Variants in RAB3GAP1 observed in about 807,000 individuals in gnomAD.
RAB3GAP1 encodes the protein RAB3 GTPase activating protein catalytic subunit 1.
In RAB3GAP1, 86 loss-of-function variants were observed where a neutral mutation model predicts 130.7. That is an observed-to-expected ratio of 0.66 (90% CI 0.55 to 0.79). The LOEUF (loss-of-function observed/expected upper bound fraction) is 0.79, where lower values mean the gene tolerates loss of function less well. RAB3GAP1 is among the 30% of genes least tolerant of loss of function. The probability of loss-of-function intolerance (pLI) is 0.00; values close to 1 mark genes in which losing one functional copy is unlikely to be tolerated. For synonymous variants in RAB3GAP1, 367 were observed against 401.7 expected, an observed-to-expected ratio of 0.91 and a Z score of 1.03; for missense variants, 1,029 against 1,169.4, an observed-to-expected ratio of 0.88 and a Z score of 1.75.
chr2:135,079,161 G>A (rs867604422), intron 3 of RAB3GAP1, among the ~76,000 whole-genome samples: 3 of 151,994 alleles, frequency 2.0e-5, no homozygotes, highest in Admixed American at 1.3e-4. Flanking sequence ...GAGCCACTGC[G>A]CCCAGCCAGA....
intron 8 of RAB3GAP1, among the ~76,000 whole-genome samples, chr2:135,121,872 C>T (rs1010191141): frequency 2.0e-5 from 3 of 152,136 alleles, no homozygotes; most frequent in Admixed American, 6.5e-5. Context: ...GCAGGCAGAT[C>T]ACCTGAGGTC....
At chr2:135,153,943 G>A in intron 19 of RAB3GAP1, 67 bp downstream of exon 19, 1 of 1,428,890 alleles carries the variant, frequency 7.0e-7, no homozygotes, top group Non-Finnish European at 9.8e-7. Flanking sequence ...GGAACTCACT[G>A]TCATAGACGT....
chr2:135,076,964 A>G (rs1451669401), intron 3 of RAB3GAP1, among the ~76,000 whole-genome samples: 5 of 152,170 alleles, frequency 3.3e-5, no homozygotes, highest in Non-Finnish European at 7.4e-5. Flanking sequence ...ATATGTATAT[A>G]CCACATTTTA....
intron 3 of RAB3GAP1, among the ~76,000 whole-genome samples, chr2:135,074,999 C>T (rs1689588871): frequency 4.6e-5 from 7 of 152,122 alleles, no homozygotes; most frequent in Admixed American, 4.6e-4. Flanking sequence ...GGGACCCCTT[C>T]CTTGTTGCTT....
intron 3 of RAB3GAP1, among the ~76,000 whole-genome samples, chr2:135,074,646 A>G (rs943491796): frequency 2.0e-5 from 3 of 152,126 alleles, no homozygotes; most frequent in Non-Finnish European, 2.9e-5. Flanking sequence ...GCAGTCCCCA[A>G]GCACTCCCCA....
At chr2:135,072,898 T>C (rs143621133) in intron 3 of RAB3GAP1, among the ~76,000 whole-genome samples, 43 of 152,360 alleles carry the variant, frequency 2.8e-4, no homozygotes, top group African/African-American at 8.9e-4. Flanking sequence ...CTACATACTG[T>C]AGAAGTTATC....
chr2:135,148,185 A>T (rs1321030619), intron 17 of RAB3GAP1, among the ~76,000 whole-genome samples: 1 of 152,180 alleles, frequency 6.6e-6, no homozygotes, highest in African/African-American at 2.4e-5. Flanking sequence ...AATTATGATC[A>T]TTATAAGTGT....
At chr2:135,171,924 A>C (rs1318543263), downstream of RAB3GAP1, among the ~76,000 whole-genome samples, 1 of 152,216 alleles carries the variant, frequency 6.6e-6, no homozygotes, top group Non-Finnish European at 1.5e-5. Flanking sequence ...GCCAATGAAA[A>C]GCCTGAGGCA....
At position 135,103,035 on chromosome 2, in the gene RAB3GAP1, A is replaced by ATTTTTTTTTT. The variant is rs539310402; in HGVS notation, c.362+9353_362+9362dup. On this transcript the variant is annotated intron_variant, in intron 5 of 23. Coordinates refer to ENST00000264158, the MANE Select transcript of RAB3GAP1 (RefSeq NM_012233.3). ...AAAAAAAAAAAAAATCATTTTTGTGATTTTTTTTTTTTTTTTTTTTGAGAC... is the reference window on the plus strand; with the variant it reads ...AAAAAAAAAAAAAATCATTTTTGTGATTTTTTTTTTTTTTTTTTTTTTTTTTTTTTGAGAC... Among the ~76,000 whole-genome samples, 798 of 90,884 alleles carry ATTTTTTTTTT rather than the reference A, an allele frequency of 8.8e-3. 113 individuals are homozygous for ATTTTTTTTTT. Among genetic ancestry groups the ATTTTTTTTTT allele is most frequent in the African/African-American group, 0.037 (666 of 18,180 alleles). The allele number at this position is 90,884 out of a possible 152,430, so 59.6% of individuals were successfully genotyped here.
rs142560707 is a variant in RAB3GAP1, at chr2:135,111,669, A to G, written c.363-1482A>G. Among the ~76,000 whole-genome samples the G allele has an allele frequency of 6.2e-3, 941 of 152,340 alleles. 1 individual carries two copies. The highest frequency in any genetic ancestry group is 0.041 in the Middle Eastern group (12 of 294). The stretch of plus-strand genomic sequence containing the variant: ...GCAGACTTAGTGGTATCAGTTCATT[A>G]AAGCAAAGTTTCAATACTTGCCTCT... On this transcript the variant is annotated intron_variant, in intron 5 of 23. Transcript: ENST00000264158.
chr2:135,060,067 A>C (rs1328856015), intron 3 of RAB3GAP1, among the ~76,000 whole-genome samples: 3 of 152,186 alleles, frequency 2.0e-5, no homozygotes, highest in Non-Finnish European at 4.4e-5. Flanking sequence ...AATTTCAAAC[A>C]TATATGAAGT....
intron 3 of RAB3GAP1, among the ~76,000 whole-genome samples, chr2:135,090,386 T>G (rs1433783933): frequency 6.6e-6 from 1 of 152,312 alleles, no homozygotes; most frequent in Middle Eastern, 3.4e-3. Flanking sequence ...TCCTGCCTTA[T>G]GTGGTGCTAT....
At chr2:135,055,860 G>A (rs1236105908) in intron 2 of RAB3GAP1, among the ~76,000 whole-genome samples, 4 of 150,764 alleles carry the variant, frequency 2.7e-5, no homozygotes, top group East Asian at 2.0e-4. Flanking sequence ...TTTTTGAGAC[G>A]GAGTCTCGCT....
At chr2:135,093,721 T>C (rs771581722) in intron 5 of RAB3GAP1, 28 bp downstream of exon 5, 2 of 1,538,906 alleles carry the variant, frequency 1.3e-6, no homozygotes, top group South Asian at 2.2e-5. Context: ...TCAGTATCTT[T>C]TAGTATGTGT....
rs754943146 is a variant in RAB3GAP1, at chr2:135,168,957, G to C, written c.*176G>C. 78 of 685,300 alleles carry C rather than the reference G, an allele frequency of 1.1e-4. No homozygotes were observed. The East Asian group carries it at 2.1e-3, about 18-fold the overall frequency. 42.5% of individuals were successfully genotyped at this position (685,300 alleles called of 1,614,324 possible). A position where few individuals can be genotyped will look rare whatever the true frequency, so the allele number is the denominator to read the frequency against. ...CACCAAGCTTGAGCTGTGTCGTTTC[G>C]TGGAGGGGGCAGCGAGGATGGGCTT... On this transcript the variant is annotated 3_prime_UTR_variant, in exon 24 of 24. Coordinates refer to ENST00000264158, the MANE Select transcript of RAB3GAP1 (RefSeq NM_012233.3).
At chr2:135,112,340 G>A (rs776235514) in intron 5 of RAB3GAP1, among the ~76,000 whole-genome samples, 1 of 152,258 alleles carries the variant, frequency 6.6e-6, no homozygotes, top group Non-Finnish European at 1.5e-5. Flanking sequence ...CTAAAGTTTA[G>A]TTAAGGGTTC....
intron 17 of RAB3GAP1, 29 bp downstream of exon 17, chr2:135,135,961 A>G (rs1361402294): frequency 6.2e-7 from 1 of 1,609,088 alleles, no homozygotes; most frequent in African/African-American, 1.3e-5. Flanking sequence ...TTCCATTTTA[A>G]TTTATTTTGT....
chr2:135,057,308 G>A (rs1023011170), intron 2 of RAB3GAP1, among the ~76,000 whole-genome samples: 2 of 151,912 alleles, frequency 1.3e-5, no homozygotes, highest in Non-Finnish European at 2.9e-5. Flanking sequence ...GGGCTGGGGG[G>A]GTAAATCGGA....
intron 3 of RAB3GAP1, among the ~76,000 whole-genome samples, chr2:135,059,977 A>G (rs1465939213): frequency 6.6e-6 from 1 of 152,170 alleles, no homozygotes; most frequent in Non-Finnish European, 1.5e-5. Flanking sequence ...AACTTATATG[A>G]AGGACAGTGA....
Sources: gnomAD v4.1 joint callset for allele counts (sites outside exome capture counted in the v4.1 genomes callset) on GRCh38, gnomAD v4.1.1 for gene constraint, MANE v1.5 for transcripts, NCBI Gene and HGNC (gene_info 2026-07-23, HGNC 2026-07-21) for gene names.